The following RIT1 variants were observed in gnomAD, a reference collection of about 807,000 sequenced individuals.
RIT1 encodes Ras like without CAAX 1.
Under a neutral mutation model 25.6 loss-of-function variants are expected in RIT1, and 6 were observed. The ratio of observed to expected loss-of-function variants is 0.23; its 90% confidence interval spans 0.13 to 0.46. The LOEUF (loss-of-function observed/expected upper bound fraction) is 0.46, where lower values mean the gene tolerates loss of function less well. Among genes scored for constraint, RIT1 ranks in the 20% least tolerant of loss-of-function variants. RIT1 has a pLI of 0.99. For synonymous variants in RIT1, 81 were observed against 94.1 expected, an observed-to-expected ratio of 0.86 and a Z score of 0.80; for missense variants, 219 against 284.4, an observed-to-expected ratio of 0.77 and a Z score of 1.65.
At position 155,904,399 on chromosome 1, in the gene RIT1, A is replaced by T. The variant is rs745807905; in HGVS notation, c.341T>A (p.Phe114Tyr). The T allele has an allele frequency of 7.4e-6, 12 of 1,613,970 alleles. No homozygotes were observed. In the African/African-American group the frequency reaches 1.5e-4, roughly 20 times the overall value. The change falls in exon 5 of 6, where the codon TTT becomes TAT. Residue 114 changes from phenylalanine (F) to tyrosine (Y), a missense_variant. Coordinates refer to ENST00000368323, the MANE Select transcript of RIT1 (RefSeq NM_006912.6). ...DRRSFHEVRE[F>Y]KQLIYRVRRT... ...TCGGACTCGATAAATAAGCTGTTTA[A>T]ACTCACGAACTTCATGGAAACTTCG...
At chr1:155,902,202 A>G (rs1673325380) in intron 5 of RIT1, among the ~76,000 whole-genome samples, 1 of 152,164 alleles carries the variant, frequency 6.6e-6, no homozygotes, top group South Asian at 2.1e-4. Context: ...TTTAGCCGGA[A>G]AGGATTCAGG....
At chr1:155,904,851 G>A (rs766193814) in intron 3 of RIT1, 47 bp from the exon 4 acceptor site, 1 of 1,263,906 alleles carries the variant, frequency 7.9e-7, no homozygotes, top group Admixed American at 1.7e-5. Flanking sequence ...AATGCCGGAA[G>A]AAATGCCTAT....
chr1:155,910,871 G>A (rs1195991965), intron 1 of RIT1, 67 bp from the exon 2 acceptor site: 1 of 1,592,252 alleles, frequency 6.3e-7, no homozygotes, highest in Admixed American at 1.8e-5. Context: ...TCAAGCCAGT[G>A]CCTTACCTTT....
At chr1:155,902,291 C>T (rs1189334866) in intron 5 of RIT1, among the ~76,000 whole-genome samples, 1 of 150,026 alleles carries the variant, frequency 6.7e-6, no homozygotes, top group African/African-American at 2.5e-5. Context: ...TCTACAAATG[C>T]TACTGAAAAA....
In RIT1 at chr1:155,904,880, A is replaced by G. The variant is rs961124941; in HGVS notation, c.164-76T>C. On this transcript the variant is annotated intron_variant, in intron 3 of 5. Coordinates refer to ENST00000368323, the MANE Select transcript of RIT1 (RefSeq NM_006912.6). ...TGCCTATTTAAAACTCATCTTACAG[A>G]GTAGTACATTGTATCCAAATTCATT... is the stretch of plus-strand genomic sequence containing the variant. 37 of 939,128 alleles carry G rather than the reference A, an allele frequency of 3.9e-5. No homozygotes were observed. The Admixed American group carries it at 4.9e-4, about 13-fold the overall frequency. The allele number at this position is 939,128 out of a possible 1,614,324, so 58.2% of individuals were successfully genotyped here.
At position 155,898,757 on chromosome 1, in the gene RIT1, T is replaced by C; in HGVS notation, c.*1631A>G. 5.2e-6 allele frequency: 1 copy of C among 192,426 alleles called. No individual in the cohort carries two copies. The highest frequency in any genetic ancestry group is 8.1e-5 in the East Asian group (1 of 12,330). The allele number at this position is 192,426 out of a possible 1,614,324, so 11.9% of individuals were successfully genotyped here. A position where few individuals can be genotyped will look rare whatever the true frequency, so the allele number is the denominator to read the frequency against. On this transcript the variant is annotated 3_prime_UTR_variant, in exon 6 of 6. Coordinates refer to ENST00000368323, the MANE Select transcript of RIT1 (RefSeq NM_006912.6). ...AAATGCTAGGTCTTTCACTTTTGGA[T>C]GGCTGAGTACCATAAAACATGATTT... is the stretch of plus-strand genomic sequence containing the variant.
Position 155,900,402 on chromosome 1 carries a change from C to G in RIT1, c.646G>C (p.Asp216His). The G allele has an allele frequency of 6.2e-7, 1 of 1,613,324 alleles. No individual in the cohort carries two copies. ...ACATCTTCTCTTCAAGTTACTGAAT[C>G]TTTCTTCTTCCGGAATGGTGATTTT... is the stretch of plus-strand genomic sequence containing the variant. ...RLKSPFRKKK[D>H]SVT Residue 216 changes from aspartate to histidine, a missense_variant, in exon 6 of 6, where the codon GAT (aspartate) becomes CAT (histidine). Coordinates refer to ENST00000368323, the MANE Select transcript of RIT1 (RefSeq NM_006912.6).
chr1:155,905,831 AT>A (rs1357777893), intron 3 of RIT1, among the ~76,000 whole-genome samples: 426 of 143,968 alleles, frequency 3.0e-3, no homozygotes, highest in Admixed American at 2.9e-3. Context: ...ATAATTCACT[AT>A]TTTTTTTTTT....
chr1:155,909,412 A>G (rs1673534065), intron 3 of RIT1, among the ~76,000 whole-genome samples: 1 of 151,840 alleles, frequency 6.6e-6, no homozygotes, highest in Admixed American at 6.6e-5. Context: ...ATAACAGTAC[A>G]GCTGACTTTC....
Position 155,909,878 on chromosome 1 carries a change from C to T in RIT1, c.163+572G>A, listed in dbSNP as rs1024880323. ...CGGAGGTTACAGTGACCGGAGATCG[C>T]ACCATTGCCCTCCAGCCTGGGAGAC... On this transcript the variant is annotated intron_variant, in intron 3 of 5. Coordinates refer to ENST00000368323, the MANE Select transcript of RIT1 (RefSeq NM_006912.6). 2.8e-4 allele frequency among the ~76,000 whole-genome samples: 41 copies of T among 149,020 alleles called. 1 individual carries two copies. Among genetic ancestry groups the T allele is most frequent in the Non-Finnish European group, 4.4e-5 (3 of 67,580 alleles).
rs1673288090 is a variant in RIT1 at position 155,900,402 on chromosome 1, CT to C, written c.645del (p.Asp216IlefsTer3). 1.2e-6 allele frequency: 2 copies of C among 1,613,206 alleles called. No homozygotes were observed. The highest frequency in any genetic ancestry group is 1.7e-6 in the Non-Finnish European group (2 of 1,179,384). ...ACATCTTCTCTTCAAGTTACTGAATCTTTCTTCTTCCGGAATGGTGATTTTA... is the reference window on the plus strand; with the variant it reads ...ACATCTTCTCTTCAAGTTACTGAATCTTCTTCTTCCGGAATGGTGATTTTA... ...KRLKSPFRKK[K>X]DSVT On this transcript the variant is annotated frameshift_variant, in exon 6 of 6. Coordinates refer to ENST00000368323, the MANE Select transcript of RIT1 (RefSeq NM_006912.6). LOFTEE classifies it high-confidence loss of function.
chr1:155,899,504 CAATGAATATA>C lies in RIT1; in HGVS notation c.*874_*883del, dbSNP rs1439995475. The stretch of plus-strand genomic sequence containing the variant: ...TTACAGAGCACAAAGTGGGAGGAAG[CAATGAATATA>C]AATGTGTTGGTGTGTGCGTCTGTGG... On this transcript the variant is annotated 3_prime_UTR_variant, in exon 6 of 6. Transcript: ENST00000368323. 4.5e-6 allele frequency: 1 copy of C among 223,854 alleles called. No individual in the cohort carries two copies. The highest frequency in any genetic ancestry group is 8.9e-6 in the Non-Finnish European group (1 of 111,992). 13.9% of individuals were successfully genotyped at this position (223,854 alleles called of 1,614,324 possible).
intron 3 of RIT1, among the ~76,000 whole-genome samples, chr1:155,905,859 A>G (rs1673426835): frequency 6.6e-6 from 1 of 150,648 alleles, no homozygotes; most frequent in African/African-American, 2.4e-5. Flanking sequence ...ACAGGCTCTC[A>G]CTCTATCACC....
chr1:155,902,184 GC>G, intron 5 of RIT1, among the ~76,000 whole-genome samples: 1 of 152,196 alleles, frequency 6.6e-6, no homozygotes, highest in East Asian at 1.9e-4. Context: ...CACAGTGCCA[GC>G]CCTGTTTTTA....
At chr1:155,911,150 G>A (rs992562549) in intron 1 of RIT1, 93 bp downstream of exon 1, 32 of 546,372 alleles carry the variant, frequency 5.9e-5, no homozygotes, top group Non-Finnish European at 8.7e-5. Context: ...TCACGTCTGC[G>A]GTACCCAGAG....
chr1:155,905,200 CTTTT>C (rs920443067), intron 3 of RIT1, among the ~76,000 whole-genome samples: 1 of 146,018 alleles, frequency 6.8e-6, no homozygotes, highest in Admixed American at 6.9e-5. Flanking sequence ...AACAGCTCAT[CTTTT>C]TTTTTTTTTC....
In RIT1 at chr1:155,898,879, ATT is replaced by A. The variant is rs1673249942; in HGVS notation, c.*1507_*1508del. On this transcript the variant is annotated 3_prime_UTR_variant, in exon 6 of 6. Coordinates refer to ENST00000368323, the MANE Select transcript of RIT1 (RefSeq NM_006912.6). ...CACTTTTTAAAAAAGCTAGTTTATC[ATT>A]TGTTTATAAAGAAAAACACAACTCT... 5.0e-6 allele frequency: 1 copy of A among 201,276 alleles called. No homozygotes were observed. The highest frequency in any genetic ancestry group is 1.0e-5 in the Non-Finnish European group (1 of 97,722). The allele number at this position is 201,276 out of a possible 1,614,324, so 12.5% of individuals were successfully genotyped here. A position where few individuals can be genotyped will look rare whatever the true frequency, so the allele number is the denominator to read the frequency against.
At position 155,898,491 on chromosome 1, in the gene RIT1, T is replaced by TAA. The variant is rs1302294798; in HGVS notation, c.*1896_*1897insTT. 1.7e-5 allele frequency: 1 copy of TAA among 58,936 alleles called. No homozygotes were observed. Among genetic ancestry groups the TAA allele is most frequent in the African/African-American group, 7.3e-5 (1 of 13,658 alleles). 3.7% of individuals were successfully genotyped at this position (58,936 alleles called of 1,614,324 possible). A position where few individuals can be genotyped will look rare whatever the true frequency, so the allele number is the denominator to read the frequency against. Reference sequence around the variant, plus strand: ...CAACATAGTGAAACCTCATCTCTATTTAAAAAAAAAAAAAAAAAAAAAAAA... The same window carrying TAA: ...CAACATAGTGAAACCTCATCTCTATTAATAAAAAAAAAAAAAAAAAAAAAAAA... On this transcript the variant is annotated 3_prime_UTR_variant, in exon 6 of 6. Transcript: ENST00000368323.
Position 155,898,531 on chromosome 1 carries a change from ATATATATATATATC to A in RIT1, c.*1843_*1856del, listed in dbSNP as rs1252364507. ...AAAAAAAAAAAAAATATATATATATATATATATATATATCTCTTAATGTTAATAACAATTCCCTA... is the reference window on the plus strand; with the variant it reads ...AAAAAAAAAAAAAATATATATATATATCTTAATGTTAATAACAATTCCCTA... On this transcript the variant is annotated 3_prime_UTR_variant, in exon 6 of 6. Coordinates refer to ENST00000368323, the MANE Select transcript of RIT1 (RefSeq NM_006912.6). 2 of 124,976 alleles carry A rather than the reference ATATATATATATATC, an allele frequency of 1.6e-5. No homozygotes were observed. Among genetic ancestry groups the A allele is most frequent in the East Asian group, 5.8e-4 (2 of 3,448 alleles). The allele number at this position is 124,976 out of a possible 1,614,324, so 7.7% of individuals were successfully genotyped here.
Sources: gnomAD v4.1 joint callset for allele counts (sites outside exome capture counted in the v4.1 genomes callset) on GRCh38, gnomAD v4.1.1 for gene constraint, MANE v1.5 for transcripts, NCBI Gene and HGNC (gene_info 2026-07-23, HGNC 2026-07-21) for gene names.